The following NBAS variants were observed in gnomAD, a reference collection of about 807,000 sequenced individuals.
NBAS encodes the protein NAG/BC035112 fusion.
NBAS carries 219 observed loss-of-function variants against 302.5 expected under a neutral mutation model. That is an observed-to-expected ratio of 0.72 (90% confidence interval 0.65 to 0.81). The LOEUF (loss-of-function observed/expected upper bound fraction) is 0.81. NBAS is among the 30% of genes least tolerant of loss of function. The pLI is 0.00. For missense variants in NBAS, 2,932 were observed against 2,841.6 expected (o/e 1.03, Z -0.72); for synonymous variants, 1,118 against 1,021.6 (o/e 1.09, Z -1.80).
chr2:15,129,206 T>A, the NBAS span, among the ~76,000 whole-genome samples: 8 of 152,254 alleles, frequency 5.3e-5, no homozygotes, highest in African/African-American at 1.9e-4. Flanking sequence ...TAAGGGTGCT[T>A]GCATGGGAAG....
chr2:15,279,731 C>A (rs539644209), intron 42 of NBAS, among the ~76,000 whole-genome samples: 1 of 152,136 alleles, frequency 6.6e-6, no homozygotes, highest in African/African-American at 2.4e-5. Flanking sequence ...CCTTTACTGA[C>A]TCATGATAAA....
the NBAS span, among the ~76,000 whole-genome samples, chr2:15,023,136 G>A: frequency 0.012 from 1,892 of 152,052 alleles, 41 homozygotes; most frequent in African/African-American, 0.044. Context: ...GATGCATTTT[G>A]TCAGTTTGAT....
At chr2:15,060,672 T>A in the NBAS span, among the ~76,000 whole-genome samples, 1 of 151,972 alleles carries the variant, frequency 6.6e-6, no homozygotes, top group African/African-American at 2.4e-5. Context: ...AAGGGGAAAC[T>A]GAGGATCCTA....
the NBAS span, among the ~76,000 whole-genome samples, chr2:15,074,580 T>C: frequency 0.013 from 1,911 of 152,012 alleles, 25 homozygotes; most frequent in Middle Eastern, 0.021. Context: ...ATAACTATAA[T>C]ATAGGGGAAC....
intron 26 of NBAS, among the ~76,000 whole-genome samples, chr2:15,397,158 T>C (rs1183825186): frequency 6.6e-6 from 1 of 152,132 alleles, no homozygotes; most frequent in East Asian, 1.9e-4. Context: ...GAAGATTAAG[T>C]ATGGCACAAC....
At chr2:14,871,477 T>C in the NBAS span, among the ~76,000 whole-genome samples, 1 of 152,068 alleles carries the variant, frequency 6.6e-6, no homozygotes, top group South Asian at 2.1e-4. Flanking sequence ...TAGTTGGAAA[T>C]CTGAATTTAC....
chr2:14,957,278 C>CGTGTGTGTGTGTGT, the NBAS span, among the ~76,000 whole-genome samples: 192 of 147,574 alleles, frequency 1.3e-3, 1 homozygote, highest in African/African-American at 4.7e-3. Flanking sequence ...TATACATATA[C>CGTGTGTGTGTGTGT]GTGTGTGTGT....
the NBAS span, among the ~76,000 whole-genome samples, chr2:14,801,037 A>AT: frequency 2.0e-5 from 3 of 151,862 alleles, no homozygotes; most frequent in South Asian, 4.2e-4. Context: ...TATGCTGACA[A>AT]TTTTTTTTCC....
the NBAS span, among the ~76,000 whole-genome samples, chr2:14,987,400 T>C: frequency 6.6e-6 from 1 of 152,022 alleles, no homozygotes; most frequent in South Asian, 2.1e-4. Flanking sequence ...CTAGATTGAG[T>C]GGTGTTTGCT....
the NBAS span, among the ~76,000 whole-genome samples, chr2:14,907,118 T>G: frequency 1.2e-4 from 19 of 152,220 alleles, no homozygotes; most frequent in Non-Finnish European, 2.5e-4. Flanking sequence ...GGCCCACTAG[T>G]GCCCTGGCTG....
At chr2:15,071,894 C>CAA in the NBAS span, among the ~76,000 whole-genome samples, 1 of 152,112 alleles carries the variant, frequency 6.6e-6, no homozygotes, top group Non-Finnish European at 1.5e-5. Context: ...TTTAGAGCAA[C>CAA]AAAGATGTCA....
chr2:15,076,236 T>C, the NBAS span, among the ~76,000 whole-genome samples: 5 of 152,226 alleles, frequency 3.3e-5, no homozygotes, highest in African/African-American at 1.2e-4. Flanking sequence ...TACAAAAGTT[T>C]TGAAGTTTGG....
At chr2:14,965,959 A>G in the NBAS span, among the ~76,000 whole-genome samples, 1 of 152,168 alleles carries the variant, frequency 6.6e-6, no homozygotes, top group Non-Finnish European at 1.5e-5. Context: ...GTTAAAGTGG[A>G]TTAGGGTAGG....
chr2:15,360,246 C>T (rs1673834706), intron 32 of NBAS, among the ~76,000 whole-genome samples: 1 of 150,246 alleles, frequency 6.7e-6, no homozygotes, highest in African/African-American at 2.4e-5. Flanking sequence ...ACATTATAAA[C>T]ACTCTACACT....
intron 21 of NBAS, among the ~76,000 whole-genome samples, chr2:15,445,640 A>C (rs1678694486): frequency 6.6e-6 from 1 of 152,000 alleles, no homozygotes. Context: ...ATGTACCCTA[A>C]AACTTAAAGT....
At chr2:15,394,078 CAT>C in intron 28 of NBAS, 147 bp downstream of exon 28, 2 of 893,094 alleles carry the variant, frequency 2.2e-6, no homozygotes, top group Admixed American at 2.9e-5. Context: ...GCTATACACA[CAT>C]ATCAAAACTT....
At position 15,330,903 on chromosome 2, in the gene NBAS, T is replaced by C. The variant is rs6717303; in HGVS notation, c.4180-138A>G. ...CATTTAAAAATCCATCCAACTTTGC[T>C]TGTAACAAAATAAATGTTAAAAGAG... On this transcript the variant is annotated intron_variant, in intron 35 of 51. Coordinates refer to ENST00000281513, the MANE Select transcript of NBAS (RefSeq NM_015909.4). 266,982 of 904,682 alleles carry C rather than the reference T, an allele frequency of 0.3. 42,601 individuals are homozygous for C. The highest frequency in any genetic ancestry group is 0.53 in the African/African-American group (31,336 of 59,296). The allele number at this position is 904,682 out of a possible 1,614,324, so 56.0% of individuals were successfully genotyped here.
the NBAS span, chr2:14,890,533 G>A: frequency 6.6e-6 from 1 of 152,108 alleles, no homozygotes; most frequent in Admixed American, 6.5e-5. Context: ...ACTTACTAAT[G>A]GAGGCCAGGC....
At chr2:14,908,544 T>C in the NBAS span, among the ~76,000 whole-genome samples, 191 of 152,332 alleles carry the variant, frequency 1.3e-3, no homozygotes, top group African/African-American at 4.6e-3. Flanking sequence ...TTAGGTTCCC[T>C]GGCCTTAAAA....
Sources: allele counts gnomAD v4.1 joint callset (sites outside exome capture counted in the v4.1 genomes callset), GRCh38; gene constraint gnomAD v4.1.1; transcripts MANE v1.5; gene names NCBI Gene and HGNC (gene_info 2026-07-23, HGNC 2026-07-21).